The following C20orf144 variants were observed in gnomAD, a reference collection of about 807,000 sequenced individuals.
C20orf144 encodes chromosome 20 open reading frame 144, also known as uncharacterized protein C20orf144.
C20orf144 carries 8 observed loss-of-function variants against 3.8 expected under a neutral mutation model. The ratio of observed to expected loss-of-function variants is 2.11; its 90% CI spans 1.24 to 3.80. The LOEUF (loss-of-function observed/expected upper bound fraction) is 3.80. Among genes scored for constraint, C20orf144 ranks in the 30% most tolerant of loss-of-function variants. C20orf144 has a pLI of 0.00. For synonymous variants in C20orf144, 126 were observed against 104.1 expected (o/e 1.21, Z -1.28); for missense variants, 289 against 224.5 (o/e 1.29, Z -1.83).
chr20:33,663,795 G>A lies in C20orf144; in HGVS notation c.390G>A (p.Lys130=), dbSNP rs1283541164. 5 of 1,421,090 alleles carry A rather than the reference G, an allele frequency of 3.5e-6. No individual in the cohort carries two copies. Among genetic ancestry groups the A allele is most frequent in the African/African-American group, 3.0e-5 (2 of 66,362 alleles). The allele number at this position is 1,421,090 out of a possible 1,614,324, so 88.0% of individuals were successfully genotyped here. ...TCTCGCGCTTCCGGTCCCCGGGGAA[G>A]GCTCCCCGCGAAGCCGGCCCCGCCG... ...RLLSRFRSPG[K]APREAGPAEE... The change falls in exon 2 of 2, where the codon AAG becomes AAA. Residue 130 remains lysine, a synonymous_variant. Transcript: ENST00000375222.
rs2122476344 is a variant in C20orf144 at position 33,662,477 on chromosome 20, G to T, written c.126+6G>T. On this transcript the variant is annotated splice_donor_region_variant and intron_variant, in intron 1 of 1. Transcript: ENST00000375222. ...TCACTCGGAAGAAGCCGGCTGTGAG[G>T]GCGGGGGATGGGGAGCAGGGCTGGG... 6.4e-7 allele frequency: 1 copy of T among 1,551,366 alleles called. No individual in the cohort carries two copies. Among genetic ancestry groups the T allele is most frequent in the Non-Finnish European group, 8.7e-7 (1 of 1,147,282 alleles).
chr20:33,663,498 G>C, intron 1 of C20orf144, 34 bp from the exon 2 acceptor site: 1 of 1,589,372 alleles, frequency 6.3e-7, no homozygotes, highest in South Asian at 1.1e-5. Flanking sequence ...GCCCTAGCGC[G>C]CTCTCCCGCC....
Position 33,663,573 on chromosome 20 carries a change from G to C in C20orf144, c.168G>C (p.Pro56=), listed in dbSNP as rs772876354. ...TTCTCCCCCTGGACAAGCGGCAGCC[G>C]CTGGCCAACGCTGGGCAACGGATTG... The part of the protein sequence containing the change: ...VLILPLDKRQ[P]LANAGQRIDY... Residue 56 remains proline (P), a synonymous_variant, in exon 2 of 2, where the codon CCG becomes CCC. Coordinates refer to ENST00000375222, the MANE Select transcript of C20orf144 (RefSeq NM_080825.4). 4 of 1,611,154 alleles carry C rather than the reference G, an allele frequency of 2.5e-6. No homozygotes were observed. In the South Asian group the frequency reaches 4.4e-5, roughly 18 times the overall value.
intron 1 of C20orf144, 87 bp downstream of exon 1, chr20:33,662,558 G>C (rs1053845470): frequency 1.7e-5 from 25 of 1,439,028 alleles, no homozygotes; most frequent in Non-Finnish European, 2.4e-5. Context: ...GATGCTGGGA[G>C]TCTAGGCCTT....
chr20:33,663,309 G>C, intron 1 of C20orf144: 1 of 568,366 alleles, frequency 1.8e-6, no homozygotes, highest in South Asian at 2.2e-5. Flanking sequence ...AGGGTTTCCA[G>C]AAAGGAGGCG....
chr20:33,663,427 C>G (rs1189877260), intron 1 of C20orf144, 105 bp from the exon 2 acceptor site: 1 of 1,246,714 alleles, frequency 8.0e-7, no homozygotes, highest in Admixed American at 2.4e-5. Context: ...GGGTGGACGA[C>G]AGGACCCGGG....
intron 1 of C20orf144, 131 bp from the exon 2 acceptor site, chr20:33,663,401 G>C (rs910968519): frequency 4.0e-6 from 4 of 990,978 alleles, no homozygotes; most frequent in Non-Finnish European, 5.8e-6. Flanking sequence ...CTGTGCACGA[G>C]AGGATGACAG....
chr20:33,663,626 C>G lies in C20orf144; in HGVS notation c.221C>G (p.Ser74Cys), dbSNP rs755118770. The change falls in exon 2 of 2, where the codon TCC becomes TGC. Residue 74 changes from serine (S) to cysteine (C), a missense_variant. By Grantham distance (112) the Ser-to-Cys change is moderately radical. Transcript: ENST00000375222. ...TACGCGTCCGGCGCTGGGCTGGGCT[C>G]CCCGGCGGCACCCAGATTGCGCGGA... ...IDYASGAGLGSPAAPRLRGAG... is the reference protein window; with the variant it reads ...IDYASGAGLGCPAAPRLRGAG... 6.2e-7 allele frequency: 1 copy of G among 1,608,952 alleles called. No individual in the cohort carries two copies. The highest frequency in any genetic ancestry group is 1.3e-5 in the African/African-American group (1 of 74,938).
In C20orf144 at chr20:33,662,457, C is replaced by G. The variant is rs955531744; in HGVS notation, c.112C>G (p.Arg38Gly). 3 of 1,551,544 alleles carry G rather than the reference C, an allele frequency of 1.9e-6. No individual in the cohort carries two copies. The highest frequency in any genetic ancestry group is 2.0e-5 in the Admixed American group (1 of 51,094). ...WWKSFLNHLTRKKPATRIVLI... is the reference protein window; with the variant it reads ...WWKSFLNHLTGKKPATRIVLI... Reference sequence around the variant, plus strand: ...GAAATCGTTCCTCAACCACCTCACTCGGAAGAAGCCGGCTGTGAGGGCGGG... The same window carrying G: ...GAAATCGTTCCTCAACCACCTCACTGGGAAGAAGCCGGCTGTGAGGGCGGG... The change falls in exon 1 of 2, where the codon CGG becomes GGG. Residue 38 changes from arginine (R) to glycine (G), a missense_variant. Coordinates refer to ENST00000375222, the MANE Select transcript of C20orf144 (RefSeq NM_080825.4).
chr20:33,663,814 C>G lies in C20orf144; in HGVS notation c.409C>G (p.Pro137Ala). ...SPGKAPREAG[P>A]AEEQPRKRCR... Reference sequence around the variant, plus strand: ...GGGGAAGGCTCCCCGCGAAGCCGGCCCCGCCGAGGAGCAGCCGCGCAAACG... The same window carrying G: ...GGGGAAGGCTCCCCGCGAAGCCGGCGCCGCCGAGGAGCAGCCGCGCAAACG... The change falls in exon 2 of 2, where the codon CCC becomes GCC. Residue 137 changes from proline to alanine, a missense_variant. Coordinates refer to ENST00000375222, the MANE Select transcript of C20orf144 (RefSeq NM_080825.4). 7.1e-7 allele frequency: 1 copy of G among 1,414,962 alleles called. No homozygotes were observed. The highest frequency in any genetic ancestry group is 9.1e-7 in the Non-Finnish European group (1 of 1,095,664). The allele number at this position is 1,414,962 out of a possible 1,614,324, so 87.7% of individuals were successfully genotyped here. A position where few individuals can be genotyped will look rare whatever the true frequency, so the allele number is the denominator to read the frequency against.
intron 1 of C20orf144, chr20:33,662,695 G>A (rs2017519588): frequency 2.1e-5 from 11 of 525,830 alleles, no homozygotes; most frequent in Admixed American, 3.4e-5. Context: ...ATCCCAACAC[G>A]TTGGTAGGCC....
Position 33,662,452 on chromosome 20 carries a change from T to G in C20orf144, c.107T>G (p.Leu36Arg), listed in dbSNP as rs909320290. The change falls in exon 1 of 2, where the codon CTC becomes CGC. Residue 36 changes from leucine to arginine, a missense_variant. Physicochemically the swap from Leu to Arg is moderately radical, Grantham distance 102 (BLOSUM62 -2). Coordinates refer to ENST00000375222, the MANE Select transcript of C20orf144 (RefSeq NM_080825.4). The stretch of plus-strand genomic sequence containing the variant: ...TGGTGGAAATCGTTCCTCAACCACC[T>G]CACTCGGAAGAAGCCGGCTGTGAGG... ...KAWWKSFLNHLTRKKPATRIV... is the reference protein window; with the variant it reads ...KAWWKSFLNHRTRKKPATRIV... 6.4e-7 allele frequency: 1 copy of G among 1,551,628 alleles called. No homozygotes were observed. The highest frequency in any genetic ancestry group is 1.2e-5 in the South Asian group (1 of 84,072).
At position 33,663,647 on chromosome 20, in the gene C20orf144, G is replaced by A. The variant is rs1365250726; in HGVS notation, c.242G>A (p.Arg81His). 4.4e-6 allele frequency: 7 copies of A among 1,600,360 alleles called. No homozygotes were observed. The highest frequency in any genetic ancestry group is 1.3e-5 in the African/African-American group (1 of 74,550). ...GGCTCCCCGGCGGCACCCAGATTGCGCGGAGCGGGCGAAGGTAGCGAGCGC... is the reference window on the plus strand; with the variant it reads ...GGCTCCCCGGCGGCACCCAGATTGCACGGAGCGGGCGAAGGTAGCGAGCGC... ...GLGSPAAPRL[R>H]GAGEGSEREP... Residue 81 changes from arginine to histidine, a missense_variant, in exon 2 of 2, where the codon CGC (arginine) becomes CAC (histidine). Arg to His is a conservative substitution (Grantham distance 29). Transcript: ENST00000375222.
Position 33,662,452 on chromosome 20 carries a change from T to A in C20orf144, c.107T>A (p.Leu36His), listed in dbSNP as rs909320290. Residue 36 changes from leucine to histidine, a missense_variant, in exon 1 of 2, where the codon CTC becomes CAC. Coordinates refer to ENST00000375222, the MANE Select transcript of C20orf144 (RefSeq NM_080825.4). ...KAWWKSFLNH[L>H]TRKKPATRIV... ...TGGTGGAAATCGTTCCTCAACCACCTCACTCGGAAGAAGCCGGCTGTGAGG... is the reference window on the plus strand; with the variant it reads ...TGGTGGAAATCGTTCCTCAACCACCACACTCGGAAGAAGCCGGCTGTGAGG... 2.6e-6 allele frequency: 4 copies of A among 1,551,510 alleles called. No homozygotes were observed. The African/African-American group carries it at 5.5e-5, about 21-fold the overall frequency.
chr20:33,663,736 G>T lies in C20orf144; in HGVS notation c.331G>T (p.Gly111Trp), dbSNP rs776940228. 355 of 1,529,336 alleles carry T rather than the reference G, an allele frequency of 2.3e-4. 1 individual carries two copies. Among genetic ancestry groups the T allele is most frequent in the Non-Finnish European group, 2.7e-4 (311 of 1,144,556 alleles). The allele number at this position is 1,529,336 out of a possible 1,614,324, so 94.7% of individuals were successfully genotyped here. ...RQEARRPEEG[G>W]ARAALSWPRL... ...AGAGGCGCGGCGGCCGGAAGAGGGC[G>T]GGGCCAGGGCAGCTCTGAGCTGGCC... The change falls in exon 2 of 2, where the codon GGG becomes TGG. Residue 111 changes from glycine to tryptophan, a missense_variant. Gly to Trp is a radical substitution (Grantham distance 184). Transcript: ENST00000375222.
intron 1 of C20orf144, 157 bp from the exon 2 acceptor site, chr20:33,663,375 G>A (rs1334981853): frequency 2.6e-6 from 2 of 766,306 alleles, no homozygotes; most frequent in South Asian, 1.9e-5. Flanking sequence ...GAATTGGACA[G>A]GGGTCCCCTC....
chr20:33,663,878 C>A lies in C20orf144; in HGVS notation c.*11C>A, dbSNP rs1450918731. The A allele has an allele frequency of 2.2e-6, 3 of 1,384,328 alleles. No individual in the cohort carries two copies. Among genetic ancestry groups the A allele is most frequent in the African/African-American group, 3.1e-5 (2 of 65,278 alleles). The allele number at this position is 1,384,328 out of a possible 1,614,324, so 85.8% of individuals were successfully genotyped here. Reference sequence around the variant, plus strand: ...CGCCCGCAGCTTTAAACGCTTGGCCCGGACCCCGCCCAATAAAGAGTGCGT... The same window carrying A: ...CGCCCGCAGCTTTAAACGCTTGGCCAGGACCCCGCCCAATAAAGAGTGCGT... On this transcript the variant is annotated 3_prime_UTR_variant, in exon 2 of 2. Coordinates refer to ENST00000375222, the MANE Select transcript of C20orf144 (RefSeq NM_080825.4).
rs1246023730 is a variant in C20orf144, at chr20:33,663,809, C to G, written c.404C>G (p.Ala135Gly). The G allele has an allele frequency of 1.6e-5, 23 of 1,415,740 alleles. No individual in the cohort carries two copies. Among genetic ancestry groups the G allele is most frequent in the Middle Eastern group, 5.1e-4 (2 of 3,954 alleles). 87.7% of individuals were successfully genotyped at this position (1,415,740 alleles called of 1,614,324 possible). The change falls in exon 2 of 2, where the codon GCC becomes GGC. Residue 135 changes from alanine to glycine, a missense_variant. Ala to Gly is a moderately conservative substitution (Grantham distance 60). Transcript: ENST00000375222. Reference protein sequence around the residue: ...FRSPGKAPREAGPAEEQPRKR... With the variant: ...FRSPGKAPREGGPAEEQPRKR... ...TCCCCGGGGAAGGCTCCCCGCGAAG[C>G]CGGCCCCGCCGAGGAGCAGCCGCGC...
Position 33,663,621 on chromosome 20 carries a change from G to GGGCTC in C20orf144, c.217_221dup (p.Pro75AlafsTer44), listed in dbSNP as rs1568896185. ...TTGACTACGCGTCCGGCGCTGGGCT[G>GGGCTC]GGCTCCCCGGCGGCACCCAGATTGC... On this transcript the variant is annotated frameshift_variant, in exon 2 of 2. Transcript: ENST00000375222. LOFTEE classifies it low-confidence loss of function (END_TRUNC). 6.2e-7 allele frequency: 1 copy of GGGCTC among 1,609,642 alleles called. No individual in the cohort carries two copies.
Sources: allele counts gnomAD v4.1 joint callset, GRCh38; gene constraint gnomAD v4.1.1; transcripts MANE v1.5; gene names NCBI Gene and HGNC (gene_info 2026-07-23, HGNC 2026-07-21).